The following MAP2K5 variants were observed in gnomAD, a reference collection of about 807,000 sequenced individuals.
MAP2K5 encodes dual specificity mitogen-activated protein kinase kinase 5.
MAP2K5 carries 49 observed loss-of-function variants against 83.1 expected under a neutral mutation model. The ratio of observed to expected loss-of-function variants is 0.59; its 90% CI spans 0.47 to 0.75. The LOEUF (loss-of-function observed/expected upper bound fraction) is 0.75, where lower values mean the gene tolerates loss of function less well. Among genes scored for constraint, MAP2K5 ranks in the 30% least tolerant of loss-of-function variants. MAP2K5 has a pLI of 0.00. For synonymous variants in MAP2K5, 202 were observed against 191.8 expected (o/e 1.05, Z -0.44); for missense variants, 457 against 557.5 (o/e 0.82, Z 1.82).
rs28489575 is a variant in MAP2K5, at chr15:67,610,108, A to G, written c.545+9359A>G. On this transcript the variant is annotated intron_variant, in intron 8 of 21. Transcript: ENST00000178640. Reference sequence around the variant, plus strand: ...CTTCTGACACCTGCTTCCCAAGCCAAGGTTTTTCTGTTTGCCATTCACTCT... The same window carrying G: ...CTTCTGACACCTGCTTCCCAAGCCAGGGTTTTTCTGTTTGCCATTCACTCT... Among the ~76,000 whole-genome samples the G allele has an allele frequency of 9.4e-3, 1,426 of 152,320 alleles. 28 individuals are homozygous for G. Among genetic ancestry groups the G allele is most frequent in the African/African-American group, 0.032 (1,350 of 41,558 alleles).
chr15:67,733,312 T>C (rs1267161596), intron 17 of MAP2K5, among the ~76,000 whole-genome samples: 1 of 152,220 alleles, frequency 6.6e-6, no homozygotes, highest in African/African-American at 2.4e-5. Flanking sequence ...AAGAATTATT[T>C]GAATAAAATG....
chr15:67,574,737 G>A (rs960461501), intron 3 of MAP2K5, among the ~76,000 whole-genome samples: 3 of 151,448 alleles, frequency 2.0e-5, no homozygotes, highest in African/African-American at 7.3e-5. Flanking sequence ...CGTGGTGTCG[G>A]GCGCCTGTAG....
rs1227921249 is a variant in MAP2K5, at chr15:67,668,594, C to G, written c.847+3949C>G. Among the ~76,000 whole-genome samples the G allele has an allele frequency of 6.6e-6, 1 of 152,104 alleles. No individual in the cohort carries two copies. The highest frequency in any genetic ancestry group is 6.6e-5 in the Admixed American group (1 of 15,252). ...GTGAGAGCCCTGCATATTAATAAAC[C>G]TACAGCTCCAGTCATAGCCATCATT... On this transcript the variant is annotated intron_variant, in intron 13 of 21. Transcript: ENST00000178640. This position sits in a 1 kb window ranked among gnomAD's most constrained non-coding sequence, Gnocchi z 4.0.
intron 6 of MAP2K5, among the ~76,000 whole-genome samples, chr15:67,589,007 T>A (rs948329907): frequency 2.6e-5 from 4 of 151,898 alleles, no homozygotes; most frequent in African/African-American, 7.3e-5. Context: ...TTTTTTTAAA[T>A]TTTTTTAATT....
At chr15:67,592,830 T>C in intron 6 of MAP2K5, 96 bp from the exon 7 acceptor site, 1 of 838,590 alleles carries the variant, frequency 1.2e-6, no homozygotes, top group Non-Finnish European at 2.0e-6. Context: ...GCTCAATCCC[T>C]ATATGTAAAA....
At chr15:67,628,160 GA>G in intron 8 of MAP2K5, 3 of 995,956 alleles carry the variant, frequency 3.0e-6, no homozygotes, top group Non-Finnish European at 4.6e-6. Flanking sequence ...ACTTAACTGT[GA>G]AAAAGATATT....
At chr15:67,678,526 C>T (rs2087735045) in intron 13 of MAP2K5, among the ~76,000 whole-genome samples, 1 of 152,080 alleles carries the variant, frequency 6.6e-6, no homozygotes. Flanking sequence ...GAAACAAAGA[C>T]CAAAAGGAAG....
intron 8 of MAP2K5, among the ~76,000 whole-genome samples, chr15:67,621,830 G>T (rs1376747706): frequency 7.2e-5 from 11 of 152,178 alleles, no homozygotes. Flanking sequence ...AGCTTCCTTT[G>T]TTGTGGAGGG....
intron 4 of MAP2K5, among the ~76,000 whole-genome samples, chr15:67,584,470 G>A (rs898231740): frequency 1.3e-5 from 2 of 152,256 alleles, no homozygotes; most frequent in South Asian, 2.1e-4. Flanking sequence ...GCATGTGACT[G>A]TAGTTCAAAA....
rs1484309209 is a variant in MAP2K5, at chr15:67,806,832, C to T, written c.*82C>T. 13 of 1,597,352 alleles carry T rather than the reference C, an allele frequency of 8.1e-6. No homozygotes were observed. Among genetic ancestry groups the T allele is most frequent in the Middle Eastern group, 1.6e-4 (1 of 6,080 alleles). On this transcript the variant is annotated 3_prime_UTR_variant, in exon 22 of 22. Transcript: ENST00000178640. Reference sequence around the variant, plus strand: ...GTCGCCCTTCTCCGTATGCTGCCTGCGCCAGAAGAGCTTTGCTGGGCCCTG... The same window carrying T: ...GTCGCCCTTCTCCGTATGCTGCCTGTGCCAGAAGAGCTTTGCTGGGCCCTG...
intron 6 of MAP2K5, among the ~76,000 whole-genome samples, 157 bp from the exon 7 acceptor site, chr15:67,592,769 G>C (rs1320922246): frequency 6.6e-6 from 1 of 151,886 alleles, no homozygotes; most frequent in Non-Finnish European, 1.5e-5. Context: ...TTTGCATTTG[G>C]CCAGTTACTT....
chr15:67,605,458 C>A (rs535166597), intron 8 of MAP2K5, among the ~76,000 whole-genome samples: 1 of 152,102 alleles, frequency 6.6e-6, no homozygotes, highest in African/African-American at 2.4e-5. Context: ...TCTGTATTTT[C>A]TTCTATTCTG....
In MAP2K5 at chr15:67,668,347, A is replaced by C. The variant is rs1376768566; in HGVS notation, c.847+3702A>C. Among the ~76,000 whole-genome samples the C allele has an allele frequency of 6.6e-6, 1 of 152,044 alleles. No individual in the cohort carries two copies. Among genetic ancestry groups the C allele is most frequent in the Admixed American group, 6.6e-5 (1 of 15,258 alleles). On this transcript the variant is annotated intron_variant, in intron 13 of 21. Coordinates refer to ENST00000178640, the MANE Select transcript of MAP2K5 (RefSeq NM_145160.3). The surrounding 1 kb of genome is among the most constrained non-coding windows in gnomAD (Gnocchi z 4.0). ...TAAACCAAACGTGTGATAATTCCAC[A>C]TGAGGACATAATCATTAAAAATGTT...
rs949378736 is a variant in MAP2K5, at chr15:67,572,183, T to A, written c.253-8571T>A. Among the ~76,000 whole-genome samples the A allele has an allele frequency of 2.6e-5, 4 of 152,050 alleles. No homozygotes were observed. Among genetic ancestry groups the A allele is most frequent in the Non-Finnish European group, 4.4e-5 (3 of 68,004 alleles). On this transcript the variant is annotated intron_variant, in intron 3 of 21. Transcript: ENST00000178640. The surrounding 1 kb of genome is among the most constrained non-coding windows in gnomAD (Gnocchi z 4.2). ...GATGTTTGGGGCAGAAAGAACAGTG[T>A]GTTTAAAGAATGCCTGGTGAGTCAG...
At chr15:67,570,899 A>G (rs2084935211) in intron 3 of MAP2K5, among the ~76,000 whole-genome samples, 1 of 152,234 alleles carries the variant, frequency 6.6e-6, no homozygotes, top group South Asian at 2.1e-4. Context: ...TATTCCTTAT[A>G]AGTGAAATAC....
chr15:67,550,720 A>G (rs1266408536), intron 2 of MAP2K5, among the ~76,000 whole-genome samples: 3 of 151,286 alleles, frequency 2.0e-5, no homozygotes, highest in African/African-American at 2.4e-5. Context: ...TGAAGTAAGA[A>G]CTGTAGTTTT....
At chr15:67,688,326 G>A (rs142258659) in intron 13 of MAP2K5, among the ~76,000 whole-genome samples, 4 of 152,320 alleles carry the variant, frequency 2.6e-5, no homozygotes, top group Non-Finnish European at 5.9e-5. Flanking sequence ...AAGAAGTGAC[G>A]TGGTCTGACT....
intron 13 of MAP2K5, among the ~76,000 whole-genome samples, chr15:67,667,111 G>T (rs970074952): frequency 7.2e-5 from 11 of 152,190 alleles, no homozygotes; most frequent in African/African-American, 2.7e-4. Context: ...ATTGTAATGA[G>T]AAATTTACCT....
chr15:67,552,642 G>T lies in MAP2K5; in HGVS notation c.184+2560G>T, dbSNP rs1458069374. ...TGTAGAAACGGGGTCTTGCTGTGTT[G>T]CTCAGGCTGGTCTTGAACTCCTGGC... On this transcript the variant is annotated intron_variant, in intron 2 of 21. Coordinates refer to ENST00000178640, the MANE Select transcript of MAP2K5 (RefSeq NM_145160.3). This position sits in a 1 kb window ranked among gnomAD's most constrained non-coding sequence, Gnocchi z 4.2. Among the ~76,000 whole-genome samples, 1 of 152,086 alleles carries T rather than the reference G, an allele frequency of 6.6e-6. No homozygotes were observed. The highest frequency in any genetic ancestry group is 1.5e-5 in the Non-Finnish European group (1 of 68,016).
Sources: allele counts gnomAD v4.1 joint callset (sites outside exome capture counted in the v4.1 genomes callset), GRCh38; gene constraint gnomAD v4.1.1; non-coding constraint Gnocchi (gnomAD v3.1); transcripts MANE v1.5; gene names NCBI Gene and HGNC (gene_info 2026-07-23, HGNC 2026-07-21).